Variants in MGMT observed in about 807,000 individuals in gnomAD.
MGMT encodes the protein O-6-methylguanine-DNA methyltransferase, also known as methylated-DNA--protein-cysteine methyltransferase.
MGMT carries 14 observed loss-of-function variants against 15.9 expected under a neutral mutation model. The ratio of observed to expected loss-of-function variants is 0.88; its 90% CI spans 0.58 to 1.37. MGMT has a LOEUF of 1.37. MGMT is among the 40% of genes most tolerant of loss of function. The probability of loss-of-function intolerance (pLI) is 0.00; values close to 1 mark genes in which losing one functional copy is unlikely to be tolerated. For synonymous variants in MGMT, 130 were observed against 118.2 expected (o/e 1.10, Z -0.65); for missense variants, 282 against 268.1 (o/e 1.05, Z -0.36).
At chr10:129,705,338 T>C (rs1307699448) in intron 2 of MGMT, among the ~76,000 whole-genome samples, 1 of 152,244 alleles carries the variant, frequency 6.6e-6, no homozygotes, top group Non-Finnish European at 1.5e-5. Context: ...TGGTTTCTTT[T>C]CTGAATGGAT....
At chr10:129,524,945 G>A (rs1480774629) in intron 1 of MGMT, among the ~76,000 whole-genome samples, 1 of 152,082 alleles carries the variant, frequency 6.6e-6, no homozygotes, top group Non-Finnish European at 1.5e-5. Context: ...CAAACCAATT[G>A]TCAGTTAGAG....
chr10:129,583,916 T>C (rs1012530679), intron 2 of MGMT, among the ~76,000 whole-genome samples: 1 of 152,170 alleles, frequency 6.6e-6, no homozygotes, highest in Non-Finnish European at 1.5e-5. Context: ...GGTGCCTTGG[T>C]GTGGGACACA....
At chr10:129,739,265 C>G (rs1848602703) in intron 3 of MGMT, among the ~76,000 whole-genome samples, 1 of 152,182 alleles carries the variant, frequency 6.6e-6, no homozygotes, top group Admixed American at 6.5e-5. Context: ...CAGTCTCTCA[C>G]CACTCCTGTT....
intron 1 of MGMT, among the ~76,000 whole-genome samples, chr10:129,505,456 T>G (rs1343132041): frequency 2.0e-5 from 3 of 152,350 alleles, no homozygotes; most frequent in Non-Finnish European, 4.4e-5. Flanking sequence ...GAGATTCCAT[T>G]TTTTCCAACA....
chr10:129,499,885 T>C lies in MGMT; in HGVS notation c.-13+32589T>C, dbSNP rs371193399. 3.3e-5 allele frequency among the ~76,000 whole-genome samples: 5 copies of C among 152,342 alleles called. No homozygotes were observed. The South Asian group carries it at 8.3e-4, about 25-fold the overall frequency. On this transcript the variant is annotated intron_variant, in intron 1 of 4. Transcript: ENST00000651593. The stretch of plus-strand genomic sequence containing the variant: ...AGTAGCTGACGGAAATACATCCTTA[T>C]GTCAGTTTTCACCCGATGACTGAAA...
At chr10:129,483,909 T>A (rs868830722) in intron 1 of MGMT, among the ~76,000 whole-genome samples, 1 of 152,110 alleles carries the variant, frequency 6.6e-6, no homozygotes, top group African/African-American at 2.4e-5. Context: ...GATATAGATA[T>A]AGATACCTTG....
At chr10:129,567,103 T>A (rs1307043186) in intron 2 of MGMT, among the ~76,000 whole-genome samples, 1 of 152,134 alleles carries the variant, frequency 6.6e-6, no homozygotes, top group Non-Finnish European at 1.5e-5. Flanking sequence ...TTAGAGCTGC[T>A]TTGTTTTCCT....
chr10:129,619,982 C>T (rs980373339), intron 2 of MGMT, among the ~76,000 whole-genome samples: 7 of 152,104 alleles, frequency 4.6e-5, no homozygotes, highest in African/African-American at 1.7e-4. Flanking sequence ...CAGTGGGTCC[C>T]ACTGAAGAAA....
intron 2 of MGMT, among the ~76,000 whole-genome samples, chr10:129,663,121 C>T (rs1455765035): frequency 6.6e-6 from 1 of 152,050 alleles, no homozygotes; most frequent in East Asian, 1.9e-4. Context: ...GGAATATTTA[C>T]AAAAGCTTAT....
At chr10:129,573,509 A>AT (rs899202692) in intron 2 of MGMT, among the ~76,000 whole-genome samples, 69 of 148,770 alleles carry the variant, frequency 4.6e-4, no homozygotes, top group African/African-American at 7.4e-4. Context: ...TAACCTTAAG[A>AT]TTTTTTTTTT....
chr10:129,542,224 G>T (rs1338223291), intron 2 of MGMT, among the ~76,000 whole-genome samples: 1 of 152,078 alleles, frequency 6.6e-6, no homozygotes, highest in Non-Finnish European at 1.5e-5. Context: ...GAACTCAGTC[G>T]ACCCTCAGCC....
intron 2 of MGMT, among the ~76,000 whole-genome samples, chr10:129,644,576 A>G (rs1847364924): frequency 6.6e-6 from 1 of 152,120 alleles, no homozygotes; most frequent in Non-Finnish European, 1.5e-5. Flanking sequence ...GCCTGGTGAG[A>G]GCCCGTGGAA....
chr10:129,752,146 A>AT (rs1330408558), intron 3 of MGMT, among the ~76,000 whole-genome samples: 7 of 151,882 alleles, frequency 4.6e-5, no homozygotes, highest in Non-Finnish European at 8.8e-5. Flanking sequence ...TTTTCCTTGA[A>AT]TTTTTTCATG....
chr10:129,713,958 G>T (rs369825481), intron 3 of MGMT, among the ~76,000 whole-genome samples: 4 of 152,294 alleles, frequency 2.6e-5, no homozygotes, highest in South Asian at 4.1e-4. Context: ...GTGGGCTCCC[G>T]TCACCCGTCC....
At chr10:129,692,667 G>A (rs989096) in intron 2 of MGMT, among the ~76,000 whole-genome samples, 29,386 of 152,168 alleles carry the variant, frequency 0.19, 3,025 homozygotes, top group East Asian at 0.3. Context: ...GGTGTGGCGT[G>A]GGCCCAGCGT....
At chr10:129,727,702 G>A (rs965763352) in intron 3 of MGMT, among the ~76,000 whole-genome samples, 3 of 152,146 alleles carry the variant, frequency 2.0e-5, no homozygotes, top group Non-Finnish European at 4.4e-5. Flanking sequence ...TACAAATGCT[G>A]TAGGAGATGC....
At chr10:129,743,782 C>T (rs1428855810) in intron 3 of MGMT, among the ~76,000 whole-genome samples, 5 of 152,170 alleles carry the variant, frequency 3.3e-5, no homozygotes, top group East Asian at 1.9e-4. Context: ...GTGTCATATG[C>T]GTATATATAA....
chr10:129,513,484 C>T (rs368626114), intron 1 of MGMT, among the ~76,000 whole-genome samples: 4 of 152,174 alleles, frequency 2.6e-5, no homozygotes, highest in East Asian at 1.9e-4. Context: ...GCACCACCGG[C>T]GACCCCTGGC....
chr10:129,762,328 T>G (rs1248383091), intron 4 of MGMT, among the ~76,000 whole-genome samples: 1 of 152,246 alleles, frequency 6.6e-6, no homozygotes, highest in Non-Finnish European at 1.5e-5. Context: ...CTTAGGTGGC[T>G]TGCAATAAAC....
Sources: gnomAD v4.1 joint callset for allele counts (sites outside exome capture counted in the v4.1 genomes callset) on GRCh38, gnomAD v4.1.1 for gene constraint, MANE v1.5 for transcripts, NCBI Gene and HGNC (gene_info 2026-07-23, HGNC 2026-07-21) for gene names.